DTNBP1: variants seen among roughly 807,000 people sequenced by gnomAD.
The protein encoded by DTNBP1 is dysbindin.
In DTNBP1, 35 loss-of-function variants were observed where a neutral mutation model predicts 42.8. The observed-to-expected ratio is 0.82, with a 90% CI of 0.63 to 1.09. The LOEUF is 1.09. Ranked by LOEUF, DTNBP1 falls within the 50% of genes least tolerant of loss-of-function variation. The pLI, the probability that DTNBP1 is intolerant of heterozygous loss-of-function variation, is 0.00. For synonymous variants in DTNBP1, 171 were observed against 162.2 expected (o/e 1.05, Z -0.41); for missense variants, 457 against 424.2 (o/e 1.08, Z -0.68).
chr6:15,637,665 A>G, intron 4 of DTNBP1, 79 bp downstream of exon 4: 2 of 1,457,938 alleles, frequency 1.4e-6, no homozygotes, highest in Admixed American at 1.7e-5. Flanking sequence ...AAACAATTAT[A>G]AATTCAATTT....
intron 7 of DTNBP1, among the ~76,000 whole-genome samples, chr6:15,567,736 A>G (rs1442421797): frequency 6.6e-6 from 1 of 152,234 alleles, no homozygotes; most frequent in Non-Finnish European, 1.5e-5. Context: ...ACATGTCCTC[A>G]GGACCTTTTG....
intron 7 of DTNBP1, among the ~76,000 whole-genome samples, chr6:15,592,339 A>G (rs930159454): frequency 6.6e-6 from 1 of 152,236 alleles, no homozygotes; most frequent in Non-Finnish European, 1.5e-5. Context: ...TCTCTCGAGA[A>G]TAGGATTTCT....
intron 7 of DTNBP1, among the ~76,000 whole-genome samples, chr6:15,569,353 A>ACCCC (rs11332178): frequency 1.2e-4 from 15 of 127,168 alleles, no homozygotes; most frequent in African/African-American, 1.8e-4. Flanking sequence ...GCCAGTTAAG[A>ACCCC]CCCCCCCCCG....
intron 6 of DTNBP1, among the ~76,000 whole-genome samples, chr6:15,605,952 T>C (rs1222540179): frequency 6.6e-6 from 1 of 152,262 alleles, no homozygotes; most frequent in Non-Finnish European, 1.5e-5. Context: ...AGTAATATCA[T>C]TTTACATGCA....
chr6:15,591,390 C>T (rs1776293337), intron 7 of DTNBP1, among the ~76,000 whole-genome samples: 3 of 152,182 alleles, frequency 2.0e-5, no homozygotes, highest in South Asian at 4.2e-4. Context: ...GGATTACAGG[C>T]GTGAGCTACC....
chr6:15,522,984 G>C lies in DTNBP1; in HGVS notation c.1047C>G (p.Ser349Arg). 15 of 1,614,190 alleles carry C rather than the reference G, an allele frequency of 9.3e-6. No individual in the cohort carries two copies. The highest frequency in any genetic ancestry group is 1.3e-5 in the Non-Finnish European group (15 of 1,180,042). ...ACGCCCATGTCCCAATTTAAGAGTC[G>C]CTGTCCTCACCACCATCCGGAGTGG... ...REATPDGGED[S>R]DS Residue 349 changes from serine to arginine, a missense_variant, in exon 10 of 10, where the codon AGC (serine) becomes AGG (arginine). By Grantham distance (110) the Ser-to-Arg change is moderately radical (BLOSUM62 -1). Coordinates refer to ENST00000344537, the MANE Select transcript of DTNBP1 (RefSeq NM_032122.5).
At chr6:15,524,743 T>G (rs1379339681) in intron 8 of DTNBP1, 74 bp from the exon 9 acceptor site, 6 of 1,577,346 alleles carry the variant, frequency 3.8e-6, no homozygotes, top group Non-Finnish European at 4.3e-6. Flanking sequence ...CCATTGGCAT[T>G]AGGCTAACTA....
chr6:15,591,111 T>C (rs1357448646), intron 7 of DTNBP1, among the ~76,000 whole-genome samples: 2 of 138,466 alleles, frequency 1.4e-5, no homozygotes, highest in African/African-American at 5.1e-5. Context: ...TATAGGGTAC[T>C]TTTTTTTTTT....
intron 9 of DTNBP1, 87 bp downstream of exon 9, chr6:15,524,439 C>T (rs1028484562): frequency 1.9e-5 from 31 of 1,614,046 alleles, no homozygotes; most frequent in Non-Finnish European, 2.4e-5. Context: ...GCGTAAGTGA[C>T]TGGCAGATGG....
chr6:15,636,067 A>T (rs1453445411), intron 4 of DTNBP1, among the ~76,000 whole-genome samples: 1 of 151,982 alleles, frequency 6.6e-6, no homozygotes, highest in Middle Eastern at 3.2e-3. Flanking sequence ...TAATCTGTGG[A>T]AATCTGAGGG....
rs1281369530 is a variant in DTNBP1, at chr6:15,533,319, C to T, written c.588G>A (p.Gln196=). 1 of 1,614,244 alleles carries T rather than the reference C, an allele frequency of 6.2e-7. No homozygotes were observed. Among genetic ancestry groups the T allele is most frequent in the Admixed American group, 1.7e-5 (1 of 60,032 alleles). The stretch of plus-strand genomic sequence containing the variant: ...GCTGGAAGGCTTCCTCAAAAAACTT[C>T]TGCCGCTCCTTCAGCTTCATTTGCT... ...HTQQMKLKER[Q]KFFEEAFQQD... Residue 196 remains glutamine, a synonymous_variant, in exon 8 of 10, where the codon CAG becomes CAA. Coordinates refer to ENST00000344537, the MANE Select transcript of DTNBP1 (RefSeq NM_032122.5).
At position 15,627,381 on chromosome 6, in the gene DTNBP1, G is replaced by A. The variant is rs1322875866; in HGVS notation, c.317C>T (p.Ala106Val). Reference protein sequence around the residue: ...ELQEQLQQLPALIADLESMTA... With the variant: ...ELQEQLQQLPVLIADLESMTA... The stretch of plus-strand genomic sequence containing the variant: ...CATGGATTCTAAGTCTGCGATTAAA[G>A]CTGGGAGCTGCTGGAGCTGCTCTTG... The change falls in exon 5 of 10, where the codon GCT (alanine) becomes GTT (valine). Residue 106 changes from alanine (A) to valine (V), a missense_variant. Ala to Val is a moderately conservative substitution (Grantham distance 64). Coordinates refer to ENST00000344537, the MANE Select transcript of DTNBP1 (RefSeq NM_032122.5). 1.2e-6 allele frequency: 2 copies of A among 1,613,882 alleles called. No individual in the cohort carries two copies. Among genetic ancestry groups the A allele is most frequent in the South Asian group, 1.1e-5 (1 of 91,086 alleles).
chr6:15,611,631 G>GT (rs1389279068), intron 6 of DTNBP1, among the ~76,000 whole-genome samples: 1 of 152,234 alleles, frequency 6.6e-6, no homozygotes, highest in Non-Finnish European at 1.5e-5. Flanking sequence ...CATAATTAAT[G>GT]TGAGGAGGTC....
At chr6:15,635,875 C>T (rs1018355270) in intron 4 of DTNBP1, among the ~76,000 whole-genome samples, 9 of 152,166 alleles carry the variant, frequency 5.9e-5, no homozygotes, top group Non-Finnish European at 1.2e-4. Context: ...TCCTTACTCA[C>T]GTTTAAGTCC....
intron 6 of DTNBP1, among the ~76,000 whole-genome samples, chr6:15,613,491 C>T (rs1001275311): frequency 6.0e-5 from 9 of 150,876 alleles, no homozygotes; most frequent in African/African-American, 1.2e-4. Flanking sequence ...CTCAGCCTCC[C>T]GAGTAGCTGG....
chr6:15,650,920 T>C (rs1181490340), intron 3 of DTNBP1, among the ~76,000 whole-genome samples: 1 of 152,184 alleles, frequency 6.6e-6, no homozygotes, highest in African/African-American at 2.4e-5. Flanking sequence ...TTTGATGTTA[T>C]ATCTAAAAAG....
In DTNBP1 at chr6:15,612,760, T is replaced by G. The variant is rs112457344; in HGVS notation, c.488+2507A>C. ...TGACCTGTACCCAAGCTGTCCAACC[T>G]CCTGCAAAAATTTCCTCTCAAAATT... On this transcript the variant is annotated intron_variant, in intron 6 of 9. Transcript: ENST00000344537. Among the ~76,000 whole-genome samples the G allele has an allele frequency of 2.3e-3, 349 of 152,268 alleles. 2 individuals are homozygous for G. The highest frequency in any genetic ancestry group is 4.1e-3 in the Non-Finnish European group (281 of 68,016).
In DTNBP1 at chr6:15,568,174, C is replaced by T. The variant is rs576354559; in HGVS notation, c.511+24885G>A. Among the ~76,000 whole-genome samples, 17 of 152,256 alleles carry T rather than the reference C, an allele frequency of 1.1e-4. 1 individual carries two copies. The highest frequency in any genetic ancestry group is 3.4e-4 in the African/African-American group (14 of 41,558). On this transcript the variant is annotated intron_variant, in intron 7 of 9. Coordinates refer to ENST00000344537, the MANE Select transcript of DTNBP1 (RefSeq NM_032122.5). ...TCTTCAGAGAGGTATCTTCTGTATA[C>T]CTGGAATAAAGGAATGTTCCTATCC...
intron 7 of DTNBP1, chr6:15,579,764 C>T (rs1775742414): frequency 2.3e-6 from 1 of 431,420 alleles, no homozygotes; most frequent in Non-Finnish European, 4.7e-6. Context: ...GAGATCGTGC[C>T]ACTGCACTAC....
Sources: gnomAD v4.1 joint callset for allele counts (sites outside exome capture counted in the v4.1 genomes callset) on GRCh38, gnomAD v4.1.1 for gene constraint, MANE v1.5 for transcripts, NCBI Gene and HGNC (gene_info 2026-07-23, HGNC 2026-07-21) for gene names.